Variants in LPXN observed in about 807,000 individuals in gnomAD.
LPXN encodes leupaxin.
LPXN carries 28 observed loss-of-function variants against 45.6 expected under a neutral mutation model. That is an observed-to-expected ratio of 0.61 (90% confidence interval 0.45 to 0.84). The LOEUF is 0.84. LPXN is among the 40% of genes least tolerant of loss of function. The pLI, the probability that LPXN is intolerant of heterozygous loss-of-function variation, is 0.00. For synonymous variants in LPXN, 166 were observed against 169.9 expected (o/e 0.98, Z 0.18); for missense variants, 459 against 475.0 (o/e 0.97, Z 0.31).
chr11:58,561,427 C>A (rs1022265725), intron 3 of LPXN, among the ~76,000 whole-genome samples: 10 of 152,122 alleles, frequency 6.6e-5, no homozygotes, highest in African/African-American at 2.4e-4. Flanking sequence ...TTAGGTACAA[C>A]ATGGCCCTCT....
intron 1 of LPXN, among the ~76,000 whole-genome samples, chr11:58,572,694 T>C (rs1213202959): frequency 2.0e-5 from 3 of 152,170 alleles, no homozygotes; most frequent in Non-Finnish European, 4.4e-5. Context: ...GCTGTTGTTA[T>C]GGCAATGGCA....
At chr11:58,541,484 A>T (rs547389242) in intron 7 of LPXN, among the ~76,000 whole-genome samples, 1,635 of 151,956 alleles carry the variant, frequency 0.011, 35 homozygotes, top group African/African-American at 0.038. Flanking sequence ...TCAAAACCAC[A>T]ATGAGATACC....
chr11:58,544,571 G>A (rs562231980), intron 7 of LPXN, among the ~76,000 whole-genome samples: 17 of 152,112 alleles, frequency 1.1e-4, no homozygotes, highest in African/African-American at 3.9e-4. Context: ...TTTCAACTTG[G>A]GTAAATCTCA....
At position 58,527,512 on chromosome 11, in the gene LPXN, C is replaced by T. The variant is rs1565180931; in HGVS notation, c.1103G>A (p.Arg368Lys). The part of the protein sequence containing the change: ...CLTQLSKGIF[R>K]EQNDKTYCQP... ...ACAATAGGTCTTGTCATTCTGCTCC[C>T]TGAAAATGCCCTTCGACAACTGTGT... The change falls in exon 9 of 9, where the codon AGG becomes AAG. Residue 368 changes from arginine (R) to lysine (K), a missense_variant. Coordinates refer to ENST00000395074, the MANE Select transcript of LPXN (RefSeq NM_004811.3). The T allele has an allele frequency of 6.2e-7, 1 of 1,614,202 alleles. No homozygotes were observed. The highest frequency in any genetic ancestry group is 8.5e-7 in the Non-Finnish European group (1 of 1,180,036).
At chr11:58,553,665 A>G (rs141895197) in intron 4 of LPXN, among the ~76,000 whole-genome samples, 3 of 152,266 alleles carry the variant, frequency 2.0e-5, no homozygotes, top group African/African-American at 7.2e-5. Flanking sequence ...GCCCTCTCCA[A>G]TCATATACAT....
chr11:58,534,866 C>T (rs1339535137), intron 7 of LPXN, among the ~76,000 whole-genome samples: 1 of 152,094 alleles, frequency 6.6e-6, no homozygotes. Flanking sequence ...GAAATACAAA[C>T]TACAATCAGA....
Position 58,527,542 on chromosome 11 carries a change from C to G in LPXN, c.1073G>C (p.Cys358Ser). The G allele has an allele frequency of 6.2e-7, 1 of 1,614,154 alleles. No homozygotes were observed. Among genetic ancestry groups the G allele is most frequent in the Non-Finnish European group, 8.5e-7 (1 of 1,180,034 alleles). Reference protein sequence around the residue: ...FHPEHFVCAFCLTQLSKGIFR... With the variant: ...FHPEHFVCAFSLTQLSKGIFR... Reference sequence around the variant, plus strand: ...AATGCCCTTCGACAACTGTGTCAGGCAGAAAGCACACACAAAGTGCTCAGG... The same window carrying G: ...AATGCCCTTCGACAACTGTGTCAGGGAGAAAGCACACACAAAGTGCTCAGG... Residue 358 changes from cysteine (C) to serine (S), a missense_variant, in exon 9 of 9, where the codon TGC becomes TCC. Physicochemically the swap from Cys to Ser is moderately radical, Grantham distance 112 (BLOSUM62 -1). Transcript: ENST00000395074.
At chr11:58,533,860 C>CA (rs1853470133) in intron 7 of LPXN, among the ~76,000 whole-genome samples, 1 of 151,834 alleles carries the variant, frequency 6.6e-6, no homozygotes, top group Admixed American at 6.6e-5. Context: ...AAAAAAAAAG[C>CA]AGGGGTTGCA....
chr11:58,555,311 T>TG (rs1351778955), intron 3 of LPXN, among the ~76,000 whole-genome samples: 14 of 152,232 alleles, frequency 9.2e-5, no homozygotes, highest in African/African-American at 3.1e-4. Context: ...TCTGAACAGT[T>TG]GGGTAGTTGC....
intron 7 of LPXN, among the ~76,000 whole-genome samples, chr11:58,545,305 TG>T (rs1037372142): frequency 6.6e-6 from 1 of 152,190 alleles, no homozygotes; most frequent in African/African-American, 2.4e-5. Flanking sequence ...GGTATTTTTT[TG>T]TGTGTGTATC....
At chr11:58,536,882 A>T (rs1377243526) in intron 7 of LPXN, among the ~76,000 whole-genome samples, 1 of 152,118 alleles carries the variant, frequency 6.6e-6, no homozygotes, top group Non-Finnish European at 1.5e-5. Context: ...GAAGACATTT[A>T]TGTAGCCAAT....
chr11:58,528,995 T>C (rs892986733), intron 7 of LPXN, among the ~76,000 whole-genome samples: 22 of 152,200 alleles, frequency 1.4e-4, no homozygotes, highest in African/African-American at 4.3e-4. Flanking sequence ...TGTTATCTCA[T>C]GGTAGTTTTG....
chr11:58,562,045 C>T (rs771155002), intron 3 of LPXN, among the ~76,000 whole-genome samples: 15 of 152,192 alleles, frequency 9.9e-5, no homozygotes, highest in South Asian at 2.1e-4. Flanking sequence ...ACAAGAGATG[C>T]ATCTAAAAGA....
chr11:58,575,884 T>C, upstream of LPXN: 1 of 1,596,568 alleles, frequency 6.3e-7, no homozygotes, highest in Non-Finnish European at 8.5e-7. Flanking sequence ...GCAGCCTCTA[T>C]AAACCTTTTT....
intron 2 of LPXN, among the ~76,000 whole-genome samples, chr11:58,569,536 G>T (rs1000733303): frequency 6.6e-6 from 1 of 151,780 alleles, no homozygotes; most frequent in South Asian, 2.1e-4. Flanking sequence ...CCATAGGCAC[G>T]CACCACCACA....
intron 1 of LPXN, 45 bp from the exon 2 acceptor site, chr11:58,570,758 T>A: frequency 6.8e-7 from 1 of 1,460,906 alleles, no homozygotes; most frequent in Non-Finnish European, 9.4e-7. Context: ...AATATTTAAA[T>A]CCCTACAGTC....
At chr11:58,576,713 A>T (rs1041078356), upstream of LPXN, among the ~76,000 whole-genome samples, 3 of 152,220 alleles carry the variant, frequency 2.0e-5, no homozygotes, top group African/African-American at 7.2e-5. Context: ...AAGATAATTA[A>T]TTGGTAGCTT....
At chr11:58,531,928 T>A (rs1369484686) in intron 7 of LPXN, among the ~76,000 whole-genome samples, 1 of 152,212 alleles carries the variant, frequency 6.6e-6, no homozygotes, top group African/African-American at 2.4e-5. Flanking sequence ...CAGCTCCCTC[T>A]GCCTGCGGGG....
chr11:58,528,400 A>G (rs1366389743), intron 7 of LPXN, among the ~76,000 whole-genome samples: 1 of 152,250 alleles, frequency 6.6e-6, no homozygotes, highest in African/African-American at 2.4e-5. Flanking sequence ...TAAACATTTA[A>G]TAAGTGTTAG....
Sources: gnomAD v4.1 joint callset for allele counts (sites outside exome capture counted in the v4.1 genomes callset) on GRCh38, gnomAD v4.1.1 for gene constraint, MANE v1.5 for transcripts, NCBI Gene and HGNC (gene_info 2026-07-23, HGNC 2026-07-21) for gene names.